Variants in MCEE observed in about 807,000 individuals in gnomAD.
MCEE encodes the protein methylmalonyl-CoA epimerase, mitochondrial.
Under a neutral mutation model 12.9 loss-of-function variants are expected in MCEE, and 6 were observed. That is an observed-to-expected ratio of 0.47 (90% CI 0.26 to 0.92). The LOEUF is 0.92. Ranked by LOEUF, MCEE falls within the 40% of genes least tolerant of loss-of-function variation. The pLI is 0.16. For missense variants in MCEE, 214 were observed against 212.1 expected, an observed-to-expected ratio of 1.01 and a Z score of -0.05; for synonymous variants, 78 against 77.9, an observed-to-expected ratio of 1.00 and a Z score of -0.01.
chr2:71,123,229 C>T (rs373927864), intron 2 of MCEE, among the ~76,000 whole-genome samples: 2 of 152,200 alleles, frequency 1.3e-5, no homozygotes, highest in African/African-American at 4.8e-5. Flanking sequence ...AGGTGGCTCA[C>T]GCCTATAATC....
intron 2 of MCEE, among the ~76,000 whole-genome samples, chr2:71,115,145 T>G (rs1464158384): frequency 6.6e-6 from 1 of 152,176 alleles, no homozygotes; most frequent in Non-Finnish European, 1.5e-5. Flanking sequence ...ATCCCAGCAC[T>G]TAGGTGGGGC....
chr2:71,126,784 AG>A (rs915810841), intron 1 of MCEE, among the ~76,000 whole-genome samples: 3 of 152,258 alleles, frequency 2.0e-5, no homozygotes, highest in Admixed American at 2.0e-4. Context: ...TTCCAGCTTG[AG>A]GTATGATGAC....
In MCEE at chr2:71,117,097, A is replaced by G. The variant is rs1032956825; in HGVS notation, c.379-6975T>C. On this transcript the variant is annotated intron_variant, in intron 2 of 2. Transcript: ENST00000244217. ...AGTTGTAATGGTGCTGATATAATGA[A>G]TGACTTCAATCCTCAAATTGGTATA... Among the ~76,000 whole-genome samples, 7 of 150,724 alleles carry G rather than the reference A, an allele frequency of 4.6e-5. No individual in the cohort carries two copies. The South Asian group carries it at 6.2e-4, about 13-fold the overall frequency.
intron 2 of MCEE, among the ~76,000 whole-genome samples, chr2:71,119,350 G>T (rs1289678622): frequency 6.7e-6 from 1 of 149,642 alleles, no homozygotes; most frequent in East Asian, 2.1e-4. Context: ...TAACACAATG[G>T]TGTCTAAACA....
intron 1 of MCEE, among the ~76,000 whole-genome samples, chr2:71,125,651 C>G (rs1050201210): frequency 6.6e-5 from 10 of 152,124 alleles, no homozygotes; most frequent in Admixed American, 2.6e-4. Context: ...CAGTTTTTAG[C>G]ATTTTTAAAA....
intron 2 of MCEE, among the ~76,000 whole-genome samples, chr2:71,122,573 C>T (rs2103635083): frequency 6.6e-6 from 1 of 152,294 alleles, no homozygotes. Flanking sequence ...ACATGGATGG[C>T]AGCAGGCAAA....
chr2:71,126,568 C>CAAAAAAAAAA (rs70959207), intron 1 of MCEE, among the ~76,000 whole-genome samples: 1 of 72,138 alleles, frequency 1.4e-5, no homozygotes, highest in Non-Finnish European at 2.5e-5. Flanking sequence ...TACATTTTAC[C>CAAAAAAAAAA]AAAAAAAAAA....
chr2:71,124,248 C>T lies in MCEE; in HGVS notation c.336G>A (p.Leu112=). ...GCATTCCTCCAGCCTTGTTTTTCTGCAGAAAACCTGCAATTGGACTGTCAC... is the reference window on the plus strand; with the variant it reads ...GCATTCCTCCAGCCTTGTTTTTCTGTAGAAAACCTGCAATTGGACTGTCAC... ...LGRDSPIAGF[L]QKNKAGGMHH... Residue 112 remains leucine (L), a synonymous_variant, in exon 2 of 3, where the codon CTG becomes CTA. Coordinates refer to ENST00000244217, the MANE Select transcript of MCEE (RefSeq NM_032601.4). The T allele has an allele frequency of 1.9e-6, 3 of 1,614,128 alleles. No homozygotes were observed. Among genetic ancestry groups the T allele is most frequent in the South Asian group, 2.2e-5 (2 of 91,082 alleles).
At chr2:71,130,056 A>T in intron 1 of MCEE, 124 bp downstream of exon 1, 1 of 982,106 alleles carries the variant, frequency 1.0e-6, no homozygotes, top group Non-Finnish European at 1.6e-6. Flanking sequence ...GCTGCTGTGG[A>T]ACGCGCCCCC....
intron 2 of MCEE, among the ~76,000 whole-genome samples, chr2:71,122,624 G>C (rs1673121808): frequency 6.6e-6 from 1 of 152,150 alleles, no homozygotes; most frequent in South Asian, 2.1e-4. Context: ...TTATAAAACT[G>C]TCAGATCTTG....
chr2:71,110,000 A>G lies in MCEE; in HGVS notation c.501T>C (p.Gly167=), dbSNP rs1276538257. 4 of 1,613,666 alleles carry G rather than the reference A, an allele frequency of 2.5e-6. No homozygotes were observed. The African/African-American group carries it at 5.3e-5, about 22-fold the overall frequency. ...CTTGCTCCAGTTCCACAAGGACTCC[A>G]CCACAGTCTTTAGGATGGAGAAAAA... is the stretch of plus-strand genomic sequence containing the variant. ...PVIFLHPKDC[G]GVLVELEQA Residue 167 remains glycine (G), a synonymous_variant, in exon 3 of 3, where the codon GGT becomes GGC. Coordinates refer to ENST00000244217, the MANE Select transcript of MCEE (RefSeq NM_032601.4).
intron 1 of MCEE, among the ~76,000 whole-genome samples, chr2:71,125,211 A>T (rs78267291): frequency 0.28 from 13,590 of 48,740 alleles, 3,001 homozygotes; most frequent in East Asian, 0.55. Flanking sequence ...ATATATATAT[A>T]TTTTTTTTTT....
intron 2 of MCEE, among the ~76,000 whole-genome samples, chr2:71,112,586 C>T (rs1191340257): frequency 6.6e-6 from 1 of 151,866 alleles, no homozygotes; most frequent in Non-Finnish European, 1.5e-5. Context: ...TAGGCATGTG[C>T]CACCATGCCT....
chr2:71,119,360 A>T (rs574778880), intron 2 of MCEE, among the ~76,000 whole-genome samples: 2 of 148,860 alleles, frequency 1.3e-5, no homozygotes, highest in Non-Finnish European at 2.9e-5. Context: ...GTGTCTAAAC[A>T]CATTTCAACA....
At chr2:71,129,240 T>C (rs950821361) in intron 1 of MCEE, among the ~76,000 whole-genome samples, 1 of 152,190 alleles carries the variant, frequency 6.6e-6, no homozygotes, top group African/African-American at 2.4e-5. Flanking sequence ...CTGTCAATCA[T>C]TAAAGTGTGC....
chr2:71,120,319 A>C (rs1209936999), intron 2 of MCEE, among the ~76,000 whole-genome samples: 1 of 150,146 alleles, frequency 6.7e-6, no homozygotes, highest in East Asian at 1.9e-4. Context: ...AGAGGCACGC[A>C]GAAGGCAGGG....
chr2:71,122,116 G>C (rs1673111130), intron 2 of MCEE, among the ~76,000 whole-genome samples: 1 of 152,144 alleles, frequency 6.6e-6, no homozygotes, highest in South Asian at 2.1e-4. Context: ...ACTACTAGAG[G>C]ACTCACTAAA....
At chr2:71,111,593 C>T (rs954356835) in intron 2 of MCEE, among the ~76,000 whole-genome samples, 1 of 152,174 alleles carries the variant, frequency 6.6e-6, no homozygotes, top group South Asian at 2.1e-4. Flanking sequence ...TCTATTCTAG[C>T]TTCCTAACAT....
chr2:71,123,142 T>G lies in MCEE; in HGVS notation c.378+1064A>C, dbSNP rs377029374. On this transcript the variant is annotated intron_variant, in intron 2 of 2. Coordinates refer to ENST00000244217, the MANE Select transcript of MCEE (RefSeq NM_032601.4). Reference sequence around the variant, plus strand: ...CTCATACATGTTTGCAATAATGAACTGAATACATCCTTGAATTCACTCTAG... The same window carrying G: ...CTCATACATGTTTGCAATAATGAACGGAATACATCCTTGAATTCACTCTAG... Among the ~76,000 whole-genome samples, 74 of 152,354 alleles carry G rather than the reference T, an allele frequency of 4.9e-4. No homozygotes were observed. In the South Asian group the frequency reaches 0.015, roughly 31 times the overall value.
Sources: gnomAD v4.1 joint callset for allele counts (sites outside exome capture counted in the v4.1 genomes callset) on GRCh38, gnomAD v4.1.1 for gene constraint, MANE v1.5 for transcripts, NCBI Gene and HGNC (gene_info 2026-07-23, HGNC 2026-07-21) for gene names.